ADAT2: variants seen among roughly 807,000 people sequenced by gnomAD.
ADAT2 encodes the protein adenosine deaminase tRNA specific 2, also known as tRNA-specific adenosine-34 deaminase catalytic subunit ADAT2.
A neutral mutation model predicts 25.9 loss-of-function variants in ADAT2; 26 were observed. The ratio of observed to expected loss-of-function variants is 1.00; its 90% CI spans 0.74 to 1.39. The LOEUF (loss-of-function observed/expected upper bound fraction) is 1.39. Ranked by LOEUF, ADAT2 falls within the 40% of genes most tolerant of loss-of-function variation. The pLI is 0.00. For synonymous variants in ADAT2, 76 were observed against 86.8 expected (o/e 0.88, Z 0.69); for missense variants, 220 against 244.8 (o/e 0.90, Z 0.68).
Position 143,428,791 on chromosome 6 carries a change from T to A in ADAT2, c.460-107A>T, listed in dbSNP as rs1779019124. On this transcript the variant is annotated intron_variant, in intron 4 of 5. Coordinates refer to ENST00000237283, the MANE Select transcript of ADAT2 (RefSeq NM_182503.3). The surrounding 1 kb of genome is among the most constrained non-coding windows in gnomAD (Gnocchi z 5.0). Reference sequence around the variant, plus strand: ...TGATTATGTAAACAGATTTCAGATGTTAATAAACTTTGGGGATATTAGTAA... The same window carrying A: ...TGATTATGTAAACAGATTTCAGATGATAATAAACTTTGGGGATATTAGTAA... 3 of 1,072,282 alleles carry A rather than the reference T, an allele frequency of 2.8e-6. No individual in the cohort carries two copies. Among genetic ancestry groups the A allele is most frequent in the Non-Finnish European group, 4.0e-6 (3 of 743,734 alleles). The allele number at this position is 1,072,282 out of a possible 1,614,324, so 66.4% of individuals were successfully genotyped here. A position where few individuals can be genotyped will look rare whatever the true frequency, so the allele number is the denominator to read the frequency against.
rs964048169 is a variant in ADAT2 at position 143,442,661 on chromosome 6, C to G, written c.97-3967G>C. Among the ~76,000 whole-genome samples the G allele has an allele frequency of 2.6e-5, 4 of 152,074 alleles. No homozygotes were observed. Among genetic ancestry groups the G allele is most frequent in the African/African-American group, 9.7e-5 (4 of 41,396 alleles). On this transcript the variant is annotated intron_variant, in intron 1 of 5. Coordinates refer to ENST00000237283, the MANE Select transcript of ADAT2 (RefSeq NM_182503.3). This position sits in a 1 kb window ranked among gnomAD's most constrained non-coding sequence, Gnocchi z 4.6. ...TCCCAGTATATTATTATTGTAATTT[C>G]TTGTGAACTTATAATTATTTCAAAA...
intron 1 of ADAT2, among the ~76,000 whole-genome samples, chr6:143,439,546 C>A (rs188402462): frequency 4.1e-4 from 62 of 152,246 alleles, no homozygotes; most frequent in African/African-American, 1.4e-3. Flanking sequence ...CATGGATGAG[C>A]CTCATAGACA....
At chr6:143,429,350 A>G (rs1779041184) in intron 4 of ADAT2, among the ~76,000 whole-genome samples, 1 of 152,252 alleles carries the variant, frequency 6.6e-6, no homozygotes, top group African/African-American at 2.4e-5. Flanking sequence ...CCCTTGCTAC[A>G]GAGGATTTTA....
rs182072560 is a variant in ADAT2 at position 143,426,930 on chromosome 6, A to G, written c.*1533T>C. The G allele has an allele frequency of 6.7e-6, 1 of 148,970 alleles. No homozygotes were observed. The highest frequency in any genetic ancestry group is 1.9e-4 in the East Asian group (1 of 5,184). 9.2% of individuals were successfully genotyped at this position (148,970 alleles called of 1,614,324 possible). ...AAATCTGCTTGCAGGAAAGCATAAG[A>G]AGCCAGAAATGAATTACGACCAACT... On this transcript the variant is annotated 3_prime_UTR_variant, in exon 6 of 6. Transcript: ENST00000237283. The surrounding 1 kb of genome is among the most constrained non-coding windows in gnomAD (Gnocchi z 4.1).
rs959531580 is a variant in ADAT2 at position 143,428,148 on chromosome 6, G to A, written c.*315C>T. 2.0e-5 allele frequency: 6 copies of A among 306,254 alleles called. No individual in the cohort carries two copies. Among genetic ancestry groups the A allele is most frequent in the Non-Finnish European group, 3.0e-5 (5 of 165,294 alleles). The allele number at this position is 306,254 out of a possible 1,614,324, so 19.0% of individuals were successfully genotyped here. A position where few individuals can be genotyped will look rare whatever the true frequency, so the allele number is the denominator to read the frequency against. ...GGTCTGGCCACACATTCTCTAAGAA[G>A]TCAGCACTTGCCTGGACTGGGCACT... On this transcript the variant is annotated 3_prime_UTR_variant, in exon 6 of 6. Transcript: ENST00000237283. This position sits in a 1 kb window ranked among gnomAD's most constrained non-coding sequence, Gnocchi z 5.0.
At position 143,425,348 on chromosome 6, in the gene ADAT2, C is replaced by G. The variant is rs1216285593; in HGVS notation, c.*3115G>C. On this transcript the variant is annotated 3_prime_UTR_variant, in exon 6 of 6. Transcript: ENST00000237283. Reference sequence around the variant, plus strand: ...TGGGCAACATAGTGAGACCTTGTCTCTACAAAAAAAAAAAAAAAAAAAAAT... The same window carrying G: ...TGGGCAACATAGTGAGACCTTGTCTGTACAAAAAAAAAAAAAAAAAAAAAT... 1.1e-5 allele frequency: 1 copy of G among 89,624 alleles called. No individual in the cohort carries two copies. The highest frequency in any genetic ancestry group is 2.1e-5 in the Non-Finnish European group (1 of 47,900). 5.6% of individuals were successfully genotyped at this position (89,624 alleles called of 1,614,324 possible). A position where few individuals can be genotyped will look rare whatever the true frequency, so the allele number is the denominator to read the frequency against.
intron 4 of ADAT2, among the ~76,000 whole-genome samples, chr6:143,429,254 A>C (rs1015021037): frequency 2.0e-5 from 3 of 152,248 alleles, no homozygotes; most frequent in African/African-American, 7.2e-5. Context: ...TGTTAAAGAA[A>C]AAAAAAGACT....
At chr6:143,433,358 T>C (rs1779173541) in intron 3 of ADAT2, among the ~76,000 whole-genome samples, 1 of 152,164 alleles carries the variant, frequency 6.6e-6, no homozygotes, top group Non-Finnish European at 1.5e-5. Flanking sequence ...AATCAGAATA[T>C]CATAAAGGAT....
Position 143,424,862 on chromosome 6 carries a change from T to C in ADAT2, c.*3601A>G, listed in dbSNP as rs1778883982. The C allele has an allele frequency of 6.6e-6, 1 of 152,204 alleles. No homozygotes were observed. 9.4% of individuals were successfully genotyped at this position (152,204 alleles called of 1,614,324 possible). A position where few individuals can be genotyped will look rare whatever the true frequency, so the allele number is the denominator to read the frequency against. ...CTCCTTTCCATCAGTGTCAAATACA[T>C]TTTCTGTTTAAAATGTAACAGCTCC... On this transcript the variant is annotated 3_prime_UTR_variant, in exon 6 of 6. Coordinates refer to ENST00000237283, the MANE Select transcript of ADAT2 (RefSeq NM_182503.3). The surrounding 1 kb of genome is among the most constrained non-coding windows in gnomAD (Gnocchi z 4.8).
At position 143,437,066 on chromosome 6, in the gene ADAT2, T is replaced by TAA. The variant is rs139811234; in HGVS notation, c.201+1522_201+1523dup. ...CTACTATTTTTCATAAGCAAATTGA[T>TAA]AAAAAAGTTTTTTTGGGGGGCTGAC... is the stretch of plus-strand genomic sequence containing the variant. On this transcript the variant is annotated intron_variant, in intron 2 of 5. Transcript: ENST00000237283. This position sits in a 1 kb window ranked among gnomAD's most constrained non-coding sequence, Gnocchi z 4.1. Among the ~76,000 whole-genome samples, 2 of 151,942 alleles carry TAA rather than the reference T, an allele frequency of 1.3e-5. No individual in the cohort carries two copies. The highest frequency in any genetic ancestry group is 2.9e-5 in the Non-Finnish European group (2 of 67,962).
At chr6:143,438,438 G>C (rs1360095123) in intron 2 of ADAT2, 152 bp downstream of exon 2, 2 of 482,216 alleles carry the variant, frequency 4.1e-6, no homozygotes, top group African/African-American at 2.0e-5. Flanking sequence ...GGAAGAAAAT[G>C]ATACTGAAAA....
At chr6:143,439,661 C>A (rs960148552) in intron 1 of ADAT2, among the ~76,000 whole-genome samples, 3 of 152,132 alleles carry the variant, frequency 2.0e-5, no homozygotes, top group African/African-American at 7.2e-5. Flanking sequence ...GAAACTGGAA[C>A]AGTGGTTGCT....
In ADAT2 at chr6:143,433,848, G is replaced by A. The variant is rs192068876; in HGVS notation, c.335C>T (p.Ala112Val). ...VTVEPCIMCA[A>V]ALRLMKIPLV... ...AAGGATACTCATCAGGCGGAGAGCA[G>A]CTGCACACATAATGCACGGCTCCAC... Residue 112 changes from alanine (A) to valine (V), a missense_variant, in exon 3 of 6, where the codon GCT (alanine) becomes GTT (valine). Physicochemically the swap from Ala to Val is moderately conservative, Grantham distance 64. Coordinates refer to ENST00000237283, the MANE Select transcript of ADAT2 (RefSeq NM_182503.3). The A allele has an allele frequency of 1.8e-3, 2,862 of 1,614,008 alleles. 6 individuals carry two copies. Among genetic ancestry groups the A allele is most frequent in the Non-Finnish European group, 2.1e-3 (2,512 of 1,179,946 alleles).
In ADAT2 at chr6:143,425,500, CAAA is replaced by C. The variant is rs369961060; in HGVS notation, c.*2960_*2962del. 38,097 of 118,530 alleles carry C rather than the reference CAAA, an allele frequency of 0.32. 5,133 individuals are homozygous for C. The highest frequency in any genetic ancestry group is 0.41 in the Middle Eastern group (86 of 210). The allele number at this position is 118,530 out of a possible 1,614,324, so 7.3% of individuals were successfully genotyped here. A position where few individuals can be genotyped will look rare whatever the true frequency, so the allele number is the denominator to read the frequency against. ...CTGGACGACAGAGTGAGACCTATCTCAAAAAAAAAAAAAAAAAAGAAAAAGCTG... is the reference window on the plus strand; with the variant it reads ...CTGGACGACAGAGTGAGACCTATCTCAAAAAAAAAAAAAAAGAAAAAGCTG... On this transcript the variant is annotated 3_prime_UTR_variant, in exon 6 of 6. Transcript: ENST00000237283.
At chr6:143,435,103 C>T (rs1157768883) in intron 2 of ADAT2, among the ~76,000 whole-genome samples, 2 of 141,362 alleles carry the variant, frequency 1.4e-5, no homozygotes, top group African/African-American at 5.3e-5. Context: ...ATGGAAGGTA[C>T]TTTACAGAAG....
At chr6:143,447,076 T>C (rs1779621387) in intron 1 of ADAT2, among the ~76,000 whole-genome samples, 1 of 152,204 alleles carries the variant, frequency 6.6e-6, no homozygotes, top group African/African-American at 2.4e-5. Context: ...TAAAAAGCAG[T>C]AAAGTTGATA....
chr6:143,444,711 GAATAAA>G lies in ADAT2; in HGVS notation c.96+5846_96+5851del. 2 of 169,158 alleles carry G rather than the reference GAATAAA, an allele frequency of 1.2e-5. No homozygotes were observed. The highest frequency in any genetic ancestry group is 5.6e-3 in the Middle Eastern group (2 of 356). The allele number at this position is 169,158 out of a possible 1,614,324, so 10.5% of individuals were successfully genotyped here. A position where few individuals can be genotyped will look rare whatever the true frequency, so the allele number is the denominator to read the frequency against. The stretch of plus-strand genomic sequence containing the variant: ...CAAATGATCAACCTTCAAAATTAAA[GAATAAA>G]ATCTCTGTTCTTCCCAGCCCAAACA... On this transcript the variant is annotated intron_variant, in intron 1 of 5. Coordinates refer to ENST00000237283, the MANE Select transcript of ADAT2 (RefSeq NM_182503.3). The surrounding 1 kb of genome is among the most constrained non-coding windows in gnomAD (Gnocchi z 4.3).
At chr6:143,449,865 G>C (rs1779708895) in intron 1 of ADAT2, 1 of 152,274 alleles carries the variant, frequency 6.6e-6, no homozygotes, top group Non-Finnish European at 1.5e-5. Context: ...GCAGGGTCAG[G>C]CCTGGTTAGT....
In ADAT2 at chr6:143,436,683, G is replaced by A; in HGVS notation, c.201+1907C>T. 1 of 284,980 alleles carries A rather than the reference G, an allele frequency of 3.5e-6. No individual in the cohort carries two copies. The highest frequency in any genetic ancestry group is 7.0e-6 in the Non-Finnish European group (1 of 142,658). 17.7% of individuals were successfully genotyped at this position (284,980 alleles called of 1,614,324 possible). A position where few individuals can be genotyped will look rare whatever the true frequency, so the allele number is the denominator to read the frequency against. On this transcript the variant is annotated intron_variant, in intron 2 of 5. Transcript: ENST00000237283. The surrounding 1 kb of genome is among the most constrained non-coding windows in gnomAD (Gnocchi z 4.1). ...CTGTTGAGGAGGAGGGAGAGTCTGA[G>A]GAGTGGACTGAGGAAATGGGGGCGT...
Sources: gnomAD v4.1 joint callset for allele counts (sites outside exome capture counted in the v4.1 genomes callset) on GRCh38, gnomAD v4.1.1 for gene constraint, Gnocchi (gnomAD v3.1) non-coding constraint, MANE v1.5 for transcripts, NCBI Gene and HGNC (gene_info 2026-07-23, HGNC 2026-07-21) for gene names.